The following TNKS variants were observed in gnomAD, a reference collection of about 807,000 sequenced individuals.
The protein encoded by TNKS is tankyrase, also known as poly [ADP-ribose] polymerase tankyrase-1.
Under a neutral mutation model 135.8 loss-of-function variants are expected in TNKS, and 72 were observed. The observed-to-expected ratio is 0.53, with a 90% CI of 0.44 to 0.64. The LOEUF is 0.64. Among genes scored for constraint, TNKS ranks in the 30% least tolerant of loss-of-function variants. The pLI is 0.00. For synonymous variants in TNKS, 849 were observed against 649.3 expected, an observed-to-expected ratio of 1.31 and a Z score of -4.68; for missense variants, 1,769 against 1,674.0, an observed-to-expected ratio of 1.06 and a Z score of -0.99.
At chr8:9,591,590 A>G (rs1227879825) in intron 2 of TNKS, among the ~76,000 whole-genome samples, 1 of 152,180 alleles carries the variant, frequency 6.6e-6, no homozygotes, top group Non-Finnish European at 1.5e-5. Flanking sequence ...TCTTTTGGCC[A>G]TCTTTGGTTT....
intron 12 of TNKS, 42 bp from the exon 13 acceptor site, chr8:9,726,597 TGA>T (rs757966998): frequency 1.4e-6 from 2 of 1,411,890 alleles, no homozygotes; most frequent in Non-Finnish European, 1.9e-6. Context: ...TTGGAATATA[TGA>T]GTTTGGATAT....
chr8:9,697,942 C>T (rs1379833676), intron 5 of TNKS, among the ~76,000 whole-genome samples: 2 of 152,070 alleles, frequency 1.3e-5, no homozygotes, highest in Non-Finnish European at 2.9e-5. Flanking sequence ...CAAAAAGATA[C>T]ATGAAGTTGT....
At chr8:9,726,049 A>G (rs1481052448) in intron 12 of TNKS, among the ~76,000 whole-genome samples, 1 of 152,198 alleles carries the variant, frequency 6.6e-6, no homozygotes, top group Non-Finnish European at 1.5e-5. Context: ...TTCACTGATT[A>G]TACTTCACAA....
At chr8:9,639,145 A>G (rs1156765959) in intron 3 of TNKS, among the ~76,000 whole-genome samples, 1 of 152,212 alleles carries the variant, frequency 6.6e-6, no homozygotes, top group African/African-American at 2.4e-5. Context: ...GTGTGATATA[A>G]TTGAATCTGA....
Position 9,657,660 on chromosome 8 carries a change from C to G in TNKS, c.995-22291C>G, listed in dbSNP as rs1381690974. Reference sequence around the variant, plus strand: ...CTGGCCGGGTGGGGGGGCTGACCCCCCCATCTCCCTCCCGGACGGGGTGGC... The same window carrying G: ...CTGGCCGGGTGGGGGGGCTGACCCCGCCATCTCCCTCCCGGACGGGGTGGC... On this transcript the variant is annotated intron_variant, in intron 3 of 26. Coordinates refer to ENST00000310430, the MANE Select transcript of TNKS (RefSeq NM_003747.3). Among the ~76,000 whole-genome samples the G allele has an allele frequency of 9.3e-3, 786 of 84,964 alleles. 4 individuals carry two copies. The highest frequency in any genetic ancestry group is 0.014 in the Non-Finnish European group (577 of 40,010). The allele number at this position is 84,964 out of a possible 152,430, so 55.7% of individuals were successfully genotyped here. A position where few individuals can be genotyped will look rare whatever the true frequency, so the allele number is the denominator to read the frequency against.
chr8:9,745,634 ACCT>A (rs1444158592), intron 17 of TNKS, among the ~76,000 whole-genome samples: 2 of 152,066 alleles, frequency 1.3e-5, no homozygotes, highest in Admixed American at 1.3e-4. Flanking sequence ...CAAACTCCTG[ACCT>A]CAAATGATCT....
chr8:9,641,842 G>A (rs967264147), intron 3 of TNKS, among the ~76,000 whole-genome samples: 14 of 145,920 alleles, frequency 9.6e-5, no homozygotes, highest in Non-Finnish European at 1.7e-4. Flanking sequence ...TGCACAAGTC[G>A]TTTTCTGTAA....
intron 3 of TNKS, among the ~76,000 whole-genome samples, chr8:9,620,864 C>T (rs756518940): frequency 6.6e-6 from 1 of 152,120 alleles, no homozygotes; most frequent in Non-Finnish European, 1.5e-5. Context: ...TTATTTGTCC[C>T]AGTAGAATGA....
At chr8:9,742,407 G>A (rs991969727) in intron 17 of TNKS, among the ~76,000 whole-genome samples, 2 of 148,388 alleles carry the variant, frequency 1.3e-5, no homozygotes, top group Admixed American at 6.8e-5. Flanking sequence ...CAGCAATCTC[G>A]CATGACATAC....
At chr8:9,580,682 A>T (rs1798131211) in intron 2 of TNKS, among the ~76,000 whole-genome samples, 1 of 152,124 alleles carries the variant, frequency 6.6e-6, no homozygotes, top group Non-Finnish European at 1.5e-5. Context: ...GACATTTTCT[A>T]TCCTACCATC....
intron 3 of TNKS, among the ~76,000 whole-genome samples, chr8:9,656,092 G>A (rs894014226): frequency 3.3e-5 from 5 of 152,168 alleles, no homozygotes; most frequent in South Asian, 2.1e-4. Context: ...ACTATGTGAC[G>A]AATGCACAAG....
intron 3 of TNKS, among the ~76,000 whole-genome samples, chr8:9,648,766 A>G (rs1043232375): frequency 6.6e-6 from 1 of 152,176 alleles, no homozygotes; most frequent in African/African-American, 2.4e-5. Flanking sequence ...CCAAAACGTC[A>G]TTATGTGGCA....
chr8:9,756,130 A>G (rs1806822645), intron 20 of TNKS, among the ~76,000 whole-genome samples: 1 of 152,170 alleles, frequency 6.6e-6, no homozygotes, highest in African/African-American at 2.4e-5. Flanking sequence ...CTGCTTGTGG[A>G]CATTTTTATG....
intron 3 of TNKS, among the ~76,000 whole-genome samples, chr8:9,630,231 C>T (rs1585252861): frequency 6.6e-6 from 1 of 151,964 alleles, no homozygotes; most frequent in East Asian, 1.9e-4. Context: ...TGTTATGGTT[C>T]CCGCACTCAA....
intron 2 of TNKS, among the ~76,000 whole-genome samples, chr8:9,587,507 C>A (rs569668863): frequency 8.0e-4 from 121 of 151,896 alleles, no homozygotes; most frequent in African/African-American, 2.8e-3. Flanking sequence ...TCACGCCATT[C>A]TCCTGCCTCA....
At chr8:9,605,578 A>C (rs956308569) in intron 2 of TNKS, among the ~76,000 whole-genome samples, 1 of 152,102 alleles carries the variant, frequency 6.6e-6, no homozygotes, top group Admixed American at 6.5e-5. Flanking sequence ...CTGATTTCCA[A>C]AATGGTTAAA....
At chr8:9,676,539 T>C (rs1371825012) in intron 3 of TNKS, among the ~76,000 whole-genome samples, 1 of 152,188 alleles carries the variant, frequency 6.6e-6, no homozygotes, top group African/African-American at 2.4e-5. Context: ...TCATTTTTAC[T>C]CAAAAAGTAA....
chr8:9,637,507 C>G (rs181655398), intron 3 of TNKS, among the ~76,000 whole-genome samples: 1 of 151,988 alleles, frequency 6.6e-6, no homozygotes, highest in Admixed American at 6.5e-5. Context: ...TATTCTATTA[C>G]CCTTTTAATG....
intron 1 of TNKS, among the ~76,000 whole-genome samples, chr8:9,565,685 A>T (rs1797498971): frequency 6.6e-6 from 1 of 151,854 alleles, no homozygotes; most frequent in Admixed American, 6.6e-5. Context: ...CCCCGTCTCT[A>T]CTAAAAATAC....
Sources: allele counts gnomAD v4.1 joint callset (sites outside exome capture counted in the v4.1 genomes callset), GRCh38; gene constraint gnomAD v4.1.1; transcripts MANE v1.5; gene names NCBI Gene and HGNC (gene_info 2026-07-23, HGNC 2026-07-21).